FRS2: variants seen among roughly 807,000 people sequenced by gnomAD.
FRS2 encodes FGFR signalling adaptor.
Under a neutral mutation model 43.9 loss-of-function variants are expected in FRS2, and 8 were observed. The ratio of observed to expected loss-of-function variants is 0.18; its 90% CI spans 0.11 to 0.33. The LOEUF (loss-of-function observed/expected upper bound fraction) is 0.33, where lower values mean the gene tolerates loss of function less well. Among genes scored for constraint, FRS2 ranks in the 10% least tolerant of loss-of-function variants. The pLI, the probability that FRS2 is intolerant of heterozygous loss-of-function variation, is 1.00. For synonymous variants in FRS2, 219 were observed against 220.3 expected, an observed-to-expected ratio of 0.99 and a Z score of 0.05; for missense variants, 534 against 627.6, an observed-to-expected ratio of 0.85 and a Z score of 1.59.
At chr12:69,536,494 T>C (rs1200629852) in intron 3 of FRS2, among the ~76,000 whole-genome samples, 5 of 152,202 alleles carry the variant, frequency 3.3e-5, no homozygotes, top group Admixed American at 3.3e-4. Flanking sequence ...TGAGTTTTAT[T>C]TTTGTTCTGA....
At chr12:69,545,650 G>A (rs995110115) in intron 3 of FRS2, among the ~76,000 whole-genome samples, 1 of 150,908 alleles carries the variant, frequency 6.6e-6, no homozygotes, top group African/African-American at 2.4e-5. Flanking sequence ...TCAGCTATTC[G>A]AGAGGCTGAG....
At chr12:69,558,857 T>C (rs1379905834) in intron 3 of FRS2, among the ~76,000 whole-genome samples, 1 of 152,212 alleles carries the variant, frequency 6.6e-6, no homozygotes, top group Non-Finnish European at 1.5e-5. Context: ...GAATAGGTGC[T>C]CAGAAAATAC....
rs1400309093 is a variant in FRS2, at chr12:69,577,208, A to G, written c.*2253A>G. ...CATTACAGTTTATGCTTTAAATACT[A>G]TGTGCTTTAAAAAGGAAAATGGGAC... On this transcript the variant is annotated 3_prime_UTR_variant, in exon 9 of 9. Transcript: ENST00000549921. 2.0e-5 allele frequency: 3 copies of G among 152,084 alleles called. No individual in the cohort carries two copies. The highest frequency in any genetic ancestry group is 4.4e-5 in the Non-Finnish European group (3 of 67,986). 9.4% of individuals were successfully genotyped at this position (152,084 alleles called of 1,614,324 possible).
intron 3 of FRS2, among the ~76,000 whole-genome samples, chr12:69,550,254 T>A (rs1377499891): frequency 6.6e-6 from 1 of 152,230 alleles, no homozygotes; most frequent in Non-Finnish European, 1.5e-5. Flanking sequence ...TCAGGTGTTA[T>A]TAAGGCTAGC....
chr12:69,517,667 T>C (rs1411486410), intron 1 of FRS2, among the ~76,000 whole-genome samples: 1 of 152,192 alleles, frequency 6.6e-6, no homozygotes, highest in Non-Finnish European at 1.5e-5. Context: ...CTTTAACTCA[T>C]AATTCATGCA....
rs140136576 is a variant in FRS2 at position 69,505,844 on chromosome 12, G to A, written c.-260-25021G>A. On this transcript the variant is annotated intron_variant, in intron 1 of 8. Transcript: ENST00000549921. ...TCATTTTGTGATGATTACTTTGTAT[G>A]ATTAGTTTCCAATGCAGATTCCAAG... is the stretch of plus-strand genomic sequence containing the variant. 9.3e-3 allele frequency among the ~76,000 whole-genome samples: 1,413 copies of A among 152,266 alleles called. 25 individuals carry two copies. The highest frequency in any genetic ancestry group is 0.031 in the African/African-American group (1,303 of 41,554).
At chr12:69,531,666 GA>G (rs35298436) in intron 2 of FRS2, among the ~76,000 whole-genome samples, 56,837 of 144,748 alleles carry the variant, frequency 0.39, 11,182 homozygotes, top group South Asian at 0.58. Flanking sequence ...GAATTACACC[GA>G]AAAAAAAAAA....
Position 69,569,010 on chromosome 12 carries a change from A to G in FRS2, c.-21A>G. 1 of 1,565,160 alleles carries G rather than the reference A, an allele frequency of 6.4e-7. No homozygotes were observed. Among genetic ancestry groups the G allele is most frequent in the Non-Finnish European group, 8.8e-7 (1 of 1,140,968 alleles). ...CCAAATTATTTTTCATGTAGTGCACACATGGTCTTCTGAAGAAGCCATGGG... is the reference window on the plus strand; with the variant it reads ...CCAAATTATTTTTCATGTAGTGCACGCATGGTCTTCTGAAGAAGCCATGGG... On this transcript the variant is annotated 5_prime_UTR_variant, in exon 5 of 9. Transcript: ENST00000549921.
intron 1 of FRS2, among the ~76,000 whole-genome samples, chr12:69,479,378 A>G (rs1406918252): frequency 3.5e-5 from 5 of 144,732 alleles, no homozygotes; most frequent in Non-Finnish European, 6.0e-5. Flanking sequence ...CTTTACAGTT[A>G]ATCTGTTGTT....
At chr12:69,519,565 A>G (rs1010647961) in intron 1 of FRS2, among the ~76,000 whole-genome samples, 1 of 147,824 alleles carries the variant, frequency 6.8e-6, no homozygotes, top group African/African-American at 2.5e-5. Flanking sequence ...CCCACCCTCC[A>G]CCCTCTGGTA....
At chr12:69,534,175 T>C (rs1427608983) in intron 3 of FRS2, among the ~76,000 whole-genome samples, 6 of 152,332 alleles carry the variant, frequency 3.9e-5, no homozygotes, top group Middle Eastern at 3.4e-3. Context: ...TGATGTCTTA[T>C]TGTGTATTAG....
Position 69,569,009 on chromosome 12 carries a change from C to T in FRS2, c.-22C>T. The stretch of plus-strand genomic sequence containing the variant: ...TCCAAATTATTTTTCATGTAGTGCA[C>T]ACATGGTCTTCTGAAGAAGCCATGG... On this transcript the variant is annotated 5_prime_UTR_variant, in exon 5 of 9. Coordinates refer to ENST00000549921, the MANE Select transcript of FRS2 (RefSeq NM_001278356.2). The T allele has an allele frequency of 6.4e-7, 1 of 1,562,524 alleles. No homozygotes were observed. Among genetic ancestry groups the T allele is most frequent in the Non-Finnish European group, 8.8e-7 (1 of 1,138,904 alleles).
rs1048768135 is a variant in FRS2, at chr12:69,556,072, TA to T, written c.-121-6099del. On this transcript the variant is annotated intron_variant, in intron 3 of 8. Transcript: ENST00000549921. The stretch of plus-strand genomic sequence containing the variant: ...TGTGCACATAGTCAATATTAGACTT[TA>T]AAAAAAAATTAGAGATGATGTCCTG... Among the ~76,000 whole-genome samples the T allele has an allele frequency of 2.3e-3, 343 of 151,092 alleles. 3 individuals carry two copies. The highest frequency in any genetic ancestry group is 7.6e-3 in the African/African-American group (313 of 41,264).
At chr12:69,561,366 T>C (rs1020824395) in intron 3 of FRS2, among the ~76,000 whole-genome samples, 4 of 152,200 alleles carry the variant, frequency 2.6e-5, no homozygotes, top group African/African-American at 7.2e-5. Flanking sequence ...TACATGGTTT[T>C]GGAAATGTTC....
intron 3 of FRS2, among the ~76,000 whole-genome samples, chr12:69,560,115 A>T (rs1879759115): frequency 6.6e-6 from 1 of 152,198 alleles, no homozygotes; most frequent in African/African-American, 2.4e-5. Flanking sequence ...GGACAGCTTT[A>T]CTAAATTTAT....
chr12:69,545,309 G>C (rs972171071), intron 3 of FRS2, among the ~76,000 whole-genome samples: 1 of 152,010 alleles, frequency 6.6e-6, no homozygotes, highest in African/African-American at 2.4e-5. Context: ...GAATATCAAG[G>C]GACTCTCAAT....
At chr12:69,542,202 A>C (rs1169383371) in intron 3 of FRS2, among the ~76,000 whole-genome samples, 2 of 152,218 alleles carry the variant, frequency 1.3e-5, no homozygotes, top group African/African-American at 4.8e-5. Context: ...CATTCTAATT[A>C]AAAAGTGAAA....
At chr12:69,520,227 T>C (rs1291803447) in intron 1 of FRS2, among the ~76,000 whole-genome samples, 1 of 152,214 alleles carries the variant, frequency 6.6e-6, no homozygotes, top group Non-Finnish European at 1.5e-5. Context: ...TGTTGGTACG[T>C]GTCCTTTGCC....
intron 1 of FRS2, among the ~76,000 whole-genome samples, chr12:69,501,132 T>A (rs1009665064): frequency 2.6e-5 from 4 of 151,158 alleles, no homozygotes. Flanking sequence ...AAGATGAACT[T>A]TTTCTGTTGA....
Sources: allele counts gnomAD v4.1 joint callset (sites outside exome capture counted in the v4.1 genomes callset), GRCh38; gene constraint gnomAD v4.1.1; transcripts MANE v1.5; gene names NCBI Gene and HGNC (gene_info 2026-07-23, HGNC 2026-07-21).